TRPC4: variants seen among roughly 807,000 people sequenced by gnomAD.
TRPC4 encodes the protein transient receptor potential cation channel subfamily C member 4.
A neutral mutation model predicts 99.4 loss-of-function variants in TRPC4; 49 were observed. The ratio of observed to expected loss-of-function variants is 0.49; its 90% CI spans 0.39 to 0.63. TRPC4 has a LOEUF of 0.63. Among genes scored for constraint, TRPC4 ranks in the 20% least tolerant of loss-of-function variants. TRPC4 has a pLI of 0.00. For synonymous variants in TRPC4, 454 were observed against 425.9 expected, an observed-to-expected ratio of 1.07 and a Z score of -0.81; for missense variants, 898 against 1,152.9, an observed-to-expected ratio of 0.78 and a Z score of 3.20.
chr13:37,852,252 G>A (rs1482497716), intron 1 of TRPC4, among the ~76,000 whole-genome samples: 1 of 152,100 alleles, frequency 6.6e-6, no homozygotes, highest in East Asian at 1.9e-4. Context: ...GGAGAGTAAA[G>A]AGTAAAGACG....
intron 2 of TRPC4, among the ~76,000 whole-genome samples, chr13:37,779,039 G>A (rs1956774116): frequency 6.6e-6 from 1 of 151,986 alleles, no homozygotes; most frequent in Admixed American, 6.6e-5. Context: ...GTAGGTCCTA[G>A]TAGTCTGTGT....
chr13:37,704,659 A>AAATT, intron 3 of TRPC4, among the ~76,000 whole-genome samples: 1 of 152,236 alleles, frequency 6.6e-6, no homozygotes, highest in Non-Finnish European at 1.5e-5. Context: ...ATAAATAAAT[A>AAATT]AATAAATAAA....
At chr13:37,686,317 TATAC>T (rs1381910057) in intron 4 of TRPC4, among the ~76,000 whole-genome samples, 4 of 152,084 alleles carry the variant, frequency 2.6e-5, no homozygotes, top group South Asian at 4.1e-4. Flanking sequence ...TGTCTATATG[TATAC>T]ATACATATAT....
At chr13:37,745,500 GTATATATGTATATATA>G (rs1955738119) in intron 3 of TRPC4, among the ~76,000 whole-genome samples, 2 of 107,456 alleles carry the variant, frequency 1.9e-5, no homozygotes, top group African/African-American at 8.2e-5. Context: ...TTATATATAC[GTATATATGTATATATA>G]TACGTATATA....
chr13:37,664,566 C>T lies in TRPC4; in HGVS notation c.1375-837G>A, dbSNP rs369545850. 7.4e-5 allele frequency among the ~76,000 whole-genome samples: 10 copies of T among 135,614 alleles called. No homozygotes were observed. In the East Asian group the frequency reaches 2.0e-3, roughly 27 times the overall value. The allele number at this position is 135,614 out of a possible 152,430, so 89.0% of individuals were successfully genotyped here. A position where few individuals can be genotyped will look rare whatever the true frequency, so the allele number is the denominator to read the frequency against. On this transcript the variant is annotated intron_variant, in intron 5 of 10. Coordinates refer to ENST00000379705, the MANE Select transcript of TRPC4 (RefSeq NM_016179.4). ...TCCATCCTGGGCAATAAGAGTGAAACTCCATCTCAAAAGAAAAAAAAAGGG... is the reference window on the plus strand; with the variant it reads ...TCCATCCTGGGCAATAAGAGTGAAATTCCATCTCAAAAGAAAAAAAAAGGG...
intron 6 of TRPC4, among the ~76,000 whole-genome samples, chr13:37,657,420 A>G (rs1335562188): frequency 3.3e-5 from 5 of 152,252 alleles, no homozygotes; most frequent in Non-Finnish European, 5.9e-5. Flanking sequence ...GCCCATGGCC[A>G]TGAATTCTTT....
At chr13:37,823,167 A>G (rs1434659037) in intron 1 of TRPC4, among the ~76,000 whole-genome samples, 1 of 149,114 alleles carries the variant, frequency 6.7e-6, no homozygotes. Context: ...GATTCTGGAT[A>G]TTAGCCCTTT....
At chr13:37,668,200 A>G (rs1469676307) in intron 5 of TRPC4, among the ~76,000 whole-genome samples, 1 of 152,144 alleles carries the variant, frequency 6.6e-6, no homozygotes, top group Non-Finnish European at 1.5e-5. Flanking sequence ...CCTTCTCTCA[A>G]TTATTTGTTT....
intron 1 of TRPC4, among the ~76,000 whole-genome samples, chr13:37,844,704 G>A (rs9576387): frequency 0.14 from 21,546 of 152,016 alleles, 2,044 homozygotes; most frequent in East Asian, 0.27. Flanking sequence ...GTGAGTACCC[G>A]TGAATAGATC....
At chr13:37,849,797 A>G (rs1389460039) in intron 1 of TRPC4, among the ~76,000 whole-genome samples, 2 of 152,228 alleles carry the variant, frequency 1.3e-5, no homozygotes, top group Non-Finnish European at 2.9e-5. Context: ...GGAGCCAATC[A>G]TGGTCATCGG....
At chr13:37,728,692 A>C (rs924391908) in intron 3 of TRPC4, among the ~76,000 whole-genome samples, 3 of 152,102 alleles carry the variant, frequency 2.0e-5, no homozygotes, top group Non-Finnish European at 2.9e-5. Context: ...CCTAAAATCC[A>C]TATGGAATCT....
intron 1 of TRPC4, among the ~76,000 whole-genome samples, chr13:37,841,036 TG>T (rs1288127197): frequency 3.9e-5 from 6 of 152,048 alleles, no homozygotes; most frequent in African/African-American, 1.4e-4. Context: ...TTTATATTAT[TG>T]GTTAAAACTG....
chr13:37,745,473 T>TATACAC (rs1288455219), intron 3 of TRPC4, among the ~76,000 whole-genome samples: 1 of 5,392 alleles, frequency 1.9e-4, no homozygotes, highest in African/African-American at 2.5e-4. Flanking sequence ...TATATATATA[T>TATACAC]ACACACACAC....
intron 3 of TRPC4, among the ~76,000 whole-genome samples, chr13:37,729,364 C>G (rs1175875148): frequency 6.6e-6 from 1 of 151,994 alleles, no homozygotes; most frequent in Non-Finnish European, 1.5e-5. Context: ...AATGGGTACC[C>G]TCATGCAGTG....
At chr13:37,750,803 C>T (rs1034712677) in intron 2 of TRPC4, among the ~76,000 whole-genome samples, 3 of 151,988 alleles carry the variant, frequency 2.0e-5, no homozygotes, top group African/African-American at 7.2e-5. Context: ...CCCCTAGCCC[C>T]CAACCCTCCG....
intron 9 of TRPC4, 55 bp downstream of exon 9, chr13:37,639,203 G>T: frequency 6.2e-7 from 1 of 1,612,264 alleles, no homozygotes; most frequent in Non-Finnish European, 8.5e-7. Context: ...TTCTGAAGGG[G>T]GGACTGCATT....
intron 1 of TRPC4, among the ~76,000 whole-genome samples, chr13:37,863,500 G>A (rs1374434182): frequency 6.6e-6 from 1 of 151,128 alleles, no homozygotes; most frequent in Non-Finnish European, 1.5e-5. Flanking sequence ...GTACATATTG[G>A]GCTCTAGATA....
intron 3 of TRPC4, among the ~76,000 whole-genome samples, chr13:37,702,490 T>C (rs183661072): frequency 3.9e-4 from 59 of 152,200 alleles, no homozygotes; most frequent in Non-Finnish European, 7.6e-4. Flanking sequence ...GATAACTTTG[T>C]TTATAACACT....
intron 4 of TRPC4, among the ~76,000 whole-genome samples, chr13:37,686,253 GGAA>G (rs1953471603): frequency 6.6e-6 from 1 of 151,952 alleles, no homozygotes; most frequent in Admixed American, 6.6e-5. Context: ...TCACAAGACA[GGAA>G]GAATTATATA....
Sources: gnomAD v4.1 joint callset for allele counts (sites outside exome capture counted in the v4.1 genomes callset) on GRCh38, gnomAD v4.1.1 for gene constraint, MANE v1.5 for transcripts, NCBI Gene and HGNC (gene_info 2026-07-23, HGNC 2026-07-21) for gene names.